Variants in ARHGEF26 observed in about 807,000 individuals in gnomAD.
The protein encoded by ARHGEF26 is Rho guanine nucleotide exchange factor (GEF) 26.
Under a neutral mutation model 89.4 loss-of-function variants are expected in ARHGEF26, and 59 were observed. The ratio of observed to expected loss-of-function variants is 0.66; its 90% CI spans 0.54 to 0.82. The LOEUF (loss-of-function observed/expected upper bound fraction) is 0.82, where lower values mean the gene tolerates loss of function less well. Ranked by LOEUF, ARHGEF26 falls within the 40% of genes least tolerant of loss-of-function variation. The pLI, the probability that ARHGEF26 is intolerant of heterozygous loss-of-function variation, is 0.00. For synonymous variants in ARHGEF26, 500 were observed against 428.4 expected (o/e 1.17, Z -2.06); for missense variants, 1,234 against 1,085.6 (o/e 1.14, Z -1.92).
intron 7 of ARHGEF26, among the ~76,000 whole-genome samples, chr3:154,188,052 A>T (rs1473343693): frequency 6.6e-6 from 1 of 152,168 alleles, no homozygotes; most frequent in East Asian, 1.9e-4. Flanking sequence ...ACGAAATTAT[A>T]GCTTGTTATT....
In ARHGEF26 at chr3:154,122,057, C is replaced by T. The variant is rs994667023; in HGVS notation, c.65C>T (p.Ser22Leu). The T allele has an allele frequency of 1.2e-6, 2 of 1,611,912 alleles. No homozygotes were observed. The highest frequency in any genetic ancestry group is 1.7e-6 in the Non-Finnish European group (2 of 1,178,550). ...NSITPLWRRR[S>L]IPQPHQVLGR... is the part of the protein sequence containing the mutation. ...ATAACCCCTTTGTGGCGGAGGCGGT[C>T]GATTCCTCAGCCCCACCAGGTTCTG... Residue 22 changes from serine (S) to leucine (L), a missense_variant, in exon 2 of 15, where the codon TCG becomes TTG. Physicochemically the swap from Ser to Leu is moderately radical, Grantham distance 145. Coordinates refer to ENST00000465093, the MANE Select transcript of ARHGEF26 (RefSeq NM_015595.4).
At chr3:154,132,996 G>C (rs1189110363) in intron 4 of ARHGEF26, among the ~76,000 whole-genome samples, 1 of 152,160 alleles carries the variant, frequency 6.6e-6, no homozygotes, top group African/African-American at 2.4e-5. Flanking sequence ...GGTAGGGAGT[G>C]AGTGCACATG....
intron 9 of ARHGEF26, among the ~76,000 whole-genome samples, chr3:154,216,498 T>A (rs1376266757): frequency 0.099 from 3,386 of 34,300 alleles, 62 homozygotes; most frequent in South Asian, 0.24. Context: ...TTTTATTTTT[T>A]TTTATTTTTT....
chr3:154,165,216 T>A (rs1711940042), intron 6 of ARHGEF26, among the ~76,000 whole-genome samples: 2 of 152,184 alleles, frequency 1.3e-5, no homozygotes, highest in Non-Finnish European at 2.9e-5. Context: ...TTTTAATCCT[T>A]TTTCTTTTTT....
intron 6 of ARHGEF26, among the ~76,000 whole-genome samples, chr3:154,176,335 T>C (rs1214822106): frequency 6.6e-6 from 1 of 152,130 alleles, no homozygotes; most frequent in Non-Finnish European, 1.5e-5. Context: ...CAAGGGTATA[T>C]GTATATGGGC....
At chr3:154,161,812 T>C (rs560055081) in intron 6 of ARHGEF26, among the ~76,000 whole-genome samples, 1 of 152,286 alleles carries the variant, frequency 6.6e-6, no homozygotes, top group East Asian at 1.9e-4. Context: ...AGCTATTTTT[T>C]CCAACCAGCC....
intron 9 of ARHGEF26, among the ~76,000 whole-genome samples, chr3:154,199,115 G>GTGCTA (rs1211598473): frequency 1.6e-4 from 24 of 151,786 alleles, no homozygotes; most frequent in Non-Finnish European, 3.1e-4. Flanking sequence ...ATTGACTGTA[G>GTGCTA]TCACCCTGTT....
chr3:154,253,158 C>T lies in ARHGEF26; in HGVS notation c.2343C>T (p.Ser781=), dbSNP rs999529490. Residue 781 remains serine, a synonymous_variant, in exon 13 of 15, where the codon AGC becomes AGT. Coordinates refer to ENST00000465093, the MANE Select transcript of ARHGEF26 (RefSeq NM_015595.4). ...GGATAACTGCCCTGGGACACAGCAG[C>T]GGGAAGCCGCCTGCAGACCGAACCT... is the stretch of plus-strand genomic sequence containing the variant. ...ARWITALGHS[S]GKPPADRTSL... is the part of the protein sequence containing the mutation. 1.5e-5 allele frequency: 25 copies of T among 1,613,892 alleles called. No individual in the cohort carries two copies. The highest frequency in any genetic ancestry group is 1.9e-5 in the Non-Finnish European group (22 of 1,179,882).
intron 11 of ARHGEF26, among the ~76,000 whole-genome samples, chr3:154,226,697 C>CACACA (rs1559912631): frequency 6.7e-5 from 8 of 119,782 alleles, no homozygotes; most frequent in African/African-American, 2.2e-4. Flanking sequence ...ACACACACAC[C>CACACA]CCTTCAGCTC....
At chr3:154,185,211 G>T (rs1263061528) in intron 6 of ARHGEF26, among the ~76,000 whole-genome samples, 1 of 151,844 alleles carries the variant, frequency 6.6e-6, no homozygotes, top group Non-Finnish European at 1.5e-5. Context: ...GACACCAATT[G>T]TGTGTCCTAC....
chr3:154,128,762 C>T (rs2108045347), intron 3 of ARHGEF26, among the ~76,000 whole-genome samples: 1 of 152,290 alleles, frequency 6.6e-6, no homozygotes, highest in African/African-American at 2.4e-5. Context: ...CTCACTTTCT[C>T]ACCTGTTCTA....
intron 3 of ARHGEF26, among the ~76,000 whole-genome samples, chr3:154,127,202 CTT>C (rs545474855): frequency 6.6e-6 from 1 of 152,076 alleles, no homozygotes; most frequent in Non-Finnish European, 1.5e-5. Context: ...TTTAAAGAAA[CTT>C]TTCAATCATT....
Position 154,256,186 on chromosome 3 carries a change from G to C in ARHGEF26, c.*713G>C. The stretch of plus-strand genomic sequence containing the variant: ...AACCTAAGCTACCTTTAACAACGTA[G>C]AATTTAGATGGGTTCATATATGTGA... On this transcript the variant is annotated 3_prime_UTR_variant, in exon 15 of 15. Coordinates refer to ENST00000465093, the MANE Select transcript of ARHGEF26 (RefSeq NM_015595.4). 1.0e-6 allele frequency: 1 copy of C among 985,700 alleles called. No individual in the cohort carries two copies. The highest frequency in any genetic ancestry group is 1.2e-6 in the Non-Finnish European group (1 of 829,942). 61.1% of individuals were successfully genotyped at this position (985,700 alleles called of 1,614,324 possible).
chr3:154,183,977 CT>C (rs548153454), intron 6 of ARHGEF26, among the ~76,000 whole-genome samples: 3,260 of 140,182 alleles, frequency 0.023, 109 homozygotes, highest in African/African-American at 0.077. Context: ...AATTTTCTTT[CT>C]TTTTTTTTTT....
Position 154,256,799 on chromosome 3 carries a change from G to T in ARHGEF26, c.*1326G>T. 1 of 1,497,842 alleles carries T rather than the reference G, an allele frequency of 6.7e-7. No individual in the cohort carries two copies. The highest frequency in any genetic ancestry group is 8.8e-7 in the Non-Finnish European group (1 of 1,131,928). 92.8% of individuals were successfully genotyped at this position (1,497,842 alleles called of 1,614,324 possible). A position where few individuals can be genotyped will look rare whatever the true frequency, so the allele number is the denominator to read the frequency against. On this transcript the variant is annotated 3_prime_UTR_variant, in exon 15 of 15. Transcript: ENST00000465093. ...GGAATTCATTCTATTTGCACTAAAA[G>T]CCTTAACTTGCTGTATTCAGAGTCC...
At chr3:154,240,315 A>C (rs1717408654) in intron 11 of ARHGEF26, 55 bp from the exon 12 acceptor site, 2 of 1,384,488 alleles carry the variant, frequency 1.4e-6, no homozygotes, top group Admixed American at 2.2e-5. Flanking sequence ...GAAAACTGAC[A>C]ATGTCAGTCT....
At chr3:154,136,757 G>A (rs1343151036) in intron 4 of ARHGEF26, among the ~76,000 whole-genome samples, 1 of 152,092 alleles carries the variant, frequency 6.6e-6, no homozygotes, top group African/African-American at 2.4e-5. Context: ...TTTGTGACTT[G>A]TTGCTTAAAA....
At chr3:154,252,452 G>T (rs1315010334) in intron 12 of ARHGEF26, among the ~76,000 whole-genome samples, 1 of 152,138 alleles carries the variant, frequency 6.6e-6, no homozygotes, top group Non-Finnish European at 1.5e-5. Context: ...ATGTAGAGAA[G>T]TGCTTGCTTA....
intron 6 of ARHGEF26, among the ~76,000 whole-genome samples, chr3:154,167,288 G>T (rs1238193226): frequency 6.6e-6 from 1 of 152,166 alleles, no homozygotes; most frequent in Non-Finnish European, 1.5e-5. Context: ...GACAAGCGAG[G>T]TCCTTGTCCT....
Sources: gnomAD v4.1 joint callset for allele counts (sites outside exome capture counted in the v4.1 genomes callset) on GRCh38, gnomAD v4.1.1 for gene constraint, MANE v1.5 for transcripts, NCBI Gene and HGNC (gene_info 2026-07-23, HGNC 2026-07-21) for gene names.